WDHD1: variants seen among roughly 807,000 people sequenced by gnomAD.
The protein encoded by WDHD1 is WD repeat and HMG-box DNA-binding protein 1.
Under a neutral mutation model 135.4 loss-of-function variants are expected in WDHD1, and 111 were observed. That is an observed-to-expected ratio of 0.82 (90% CI 0.70 to 0.96). The LOEUF is 0.96. WDHD1 is among the 40% of genes least tolerant of loss of function. The probability of loss-of-function intolerance (pLI) is 0.00; values close to 1 mark genes in which losing one functional copy is unlikely to be tolerated. For synonymous variants in WDHD1, 434 were observed against 439.0 expected, an observed-to-expected ratio of 0.99 and a Z score of 0.14; for missense variants, 1,351 against 1,336.3, an observed-to-expected ratio of 1.01 and a Z score of -0.17.
intron 2 of WDHD1, among the ~76,000 whole-genome samples, chr14:55,018,966 T>G (rs766341694): frequency 6.6e-6 from 1 of 152,146 alleles, no homozygotes; most frequent in East Asian, 1.9e-4. Context: ...GAGGTTACAG[T>G]GGGCCGAGAT....
intron 11 of WDHD1, among the ~76,000 whole-genome samples, chr14:54,993,628 T>C (rs908287392): frequency 1.3e-5 from 2 of 152,218 alleles, no homozygotes; most frequent in Non-Finnish European, 2.9e-5. Context: ...CAAATTTTCT[T>C]TATACACTTC....
chr14:55,004,921 G>T lies in WDHD1; in HGVS notation c.600+2359C>A, dbSNP rs558748071. 9.3e-4 allele frequency: 490 copies of T among 529,032 alleles called. 3 individuals are homozygous for T. The highest frequency in any genetic ancestry group is 7.6e-3 in the Middle Eastern group (12 of 1,580). 32.8% of individuals were successfully genotyped at this position (529,032 alleles called of 1,614,324 possible). ...GCACTCCAGTTTTCAGGAGGGAACT[G>T]CTAAATAGGCACAGAGGGCACCTGC... is the stretch of plus-strand genomic sequence containing the variant. On this transcript the variant is annotated intron_variant, in intron 7 of 25. Coordinates refer to ENST00000360586, the MANE Select transcript of WDHD1 (RefSeq NM_007086.4).
At chr14:54,990,336 G>A (rs979394657) in intron 12 of WDHD1, among the ~76,000 whole-genome samples, 2 of 152,062 alleles carry the variant, frequency 1.3e-5, no homozygotes, top group African/African-American at 4.8e-5. Context: ...GGTGGCTCAC[G>A]CCTGTAATCC....
intron 15 of WDHD1, among the ~76,000 whole-genome samples, chr14:54,983,080 C>T (rs1192553825): frequency 6.6e-6 from 1 of 152,150 alleles, no homozygotes; most frequent in African/African-American, 2.4e-5. Context: ...ACGAGAATCA[C>T]TTGAACCCAG....
At chr14:54,955,138 G>A (rs1446932245) in intron 24 of WDHD1, among the ~76,000 whole-genome samples, 1 of 152,148 alleles carries the variant, frequency 6.6e-6, no homozygotes, top group Non-Finnish European at 1.5e-5. Context: ...AGACAAATAT[G>A]TATTTGCACA....
At position 54,967,538 on chromosome 14, in the gene WDHD1, TA is replaced by T. The variant is rs1252897137; in HGVS notation, c.2064-145del. 4 of 535,654 alleles carry T rather than the reference TA, an allele frequency of 7.5e-6. No homozygotes were observed. The Admixed American group carries it at 1.0e-4, about 14-fold the overall frequency. The allele number at this position is 535,654 out of a possible 1,614,324, so 33.2% of individuals were successfully genotyped here. A position where few individuals can be genotyped will look rare whatever the true frequency, so the allele number is the denominator to read the frequency against. ...ATCATATATAACAAATATCTCTTTTTAAAAAAGTGTTTTAGGCTTGACTAGG... is the reference window on the plus strand; with the variant it reads ...ATCATATATAACAAATATCTCTTTTTAAAAAGTGTTTTAGGCTTGACTAGG... On this transcript the variant is annotated intron_variant, in intron 16 of 25. Coordinates refer to ENST00000360586, the MANE Select transcript of WDHD1 (RefSeq NM_007086.4).
At chr14:55,024,728 A>C (rs1035895827) in intron 2 of WDHD1, among the ~76,000 whole-genome samples, 1 of 146,814 alleles carries the variant, frequency 6.8e-6, no homozygotes, top group Middle Eastern at 3.4e-3. Flanking sequence ...ACTCAGAGTT[A>C]AATGGATTAA....
chr14:54,957,217 C>T lies in WDHD1; in HGVS notation c.2746-13G>A. The T allele has an allele frequency of 1.2e-6, 2 of 1,611,684 alleles. No homozygotes were observed. Among genetic ancestry groups the T allele is most frequent in the Non-Finnish European group, 1.7e-6 (2 of 1,178,738 alleles). On this transcript the variant is annotated splice_polypyrimidine_tract_variant and intron_variant, in intron 22 of 25. Coordinates refer to ENST00000360586, the MANE Select transcript of WDHD1 (RefSeq NM_007086.4). ...AACTGGCTGATACCTAAAGAGCAAA[C>T]TAGTGTTAGCACTGTATGTTTAAAG...
chr14:54,943,668 G>C (rs1214115957), intron 25 of WDHD1, among the ~76,000 whole-genome samples: 1 of 152,118 alleles, frequency 6.6e-6, no homozygotes, highest in Non-Finnish European at 1.5e-5. Context: ...AAAGTGCTAG[G>C]ATTACAGGCT....
intron 18 of WDHD1, 111 bp downstream of exon 18, chr14:54,966,364 A>AAC: frequency 2.3e-6 from 3 of 1,324,532 alleles, no homozygotes; most frequent in African/African-American, 1.5e-5. Flanking sequence ...ACAAAAAAAA[A>AAC]CTTAAGAATC....
At chr14:54,987,879 G>C (rs1007942134) in intron 13 of WDHD1, among the ~76,000 whole-genome samples, 1 of 152,120 alleles carries the variant, frequency 6.6e-6, no homozygotes, top group Non-Finnish European at 1.5e-5. Context: ...TGTCCGCCTT[G>C]GCCTCCCAAA....
chr14:54,975,180 G>A (rs554443818), intron 16 of WDHD1, among the ~76,000 whole-genome samples: 1 of 152,078 alleles, frequency 6.6e-6, no homozygotes, highest in African/African-American at 2.4e-5. Context: ...GGTCTCTGTT[G>A]GTAGAGAGCA....
intron 13 of WDHD1, among the ~76,000 whole-genome samples, chr14:54,988,424 G>A (rs987635401): frequency 1.3e-5 from 2 of 152,132 alleles, no homozygotes; most frequent in Admixed American, 6.5e-5. Context: ...TAACTGCAAA[G>A]GGATATAAGA....
intron 11 of WDHD1, among the ~76,000 whole-genome samples, chr14:54,994,995 T>C (rs1446278166): frequency 1.3e-5 from 2 of 152,232 alleles, no homozygotes; most frequent in African/African-American, 2.4e-5. Flanking sequence ...TTTTCTTTTC[T>C]TTGGAGATGG....
chr14:54,994,147 T>C (rs560678490), intron 11 of WDHD1, among the ~76,000 whole-genome samples: 278 of 152,348 alleles, frequency 1.8e-3, no homozygotes, highest in Non-Finnish European at 3.0e-3. Context: ...TATTGTAGCA[T>C]GTAAGTTGTT....
rs1269682288 is a variant in WDHD1 at position 54,995,759 on chromosome 14, T to C, written c.997A>G (p.Ser333Gly). Residue 333 changes from serine to glycine, a missense_variant, in exon 11 of 26, where the codon AGT (serine) becomes GGT (glycine). Around this residue, in one of 2 missense-constraint regions of WDHD1, gnomAD observed 1,330 missense variants for 1,296.1 expected, o/e 1.03. Coordinates refer to ENST00000360586, the MANE Select transcript of WDHD1 (RefSeq NM_007086.4). Reference sequence around the variant, plus strand: ...TCATTTAGAAAATCACCAGCATTACTCATATCATCTCCATCAAAAAGATCA... The same window carrying C: ...TCATTTAGAAAATCACCAGCATTACCCATATCATCTCCATCAAAAAGATCA... ...YNDLFDGDDM[S>G]NAGDFLNDNA... The C allele has an allele frequency of 6.2e-7, 1 of 1,612,842 alleles. No homozygotes were observed. Among genetic ancestry groups the C allele is most frequent in the Non-Finnish European group, 8.5e-7 (1 of 1,179,476 alleles).
intron 1 of WDHD1, 72 bp from the exon 2 acceptor site, chr14:55,026,875 G>T (rs891984948): frequency 1.6e-5 from 23 of 1,467,198 alleles, no homozygotes; most frequent in Non-Finnish European, 1.8e-5. Context: ...GATAGGAAGA[G>T]AGCTTAGTCT....
At chr14:54,983,937 T>C (rs1768789271) in intron 15 of WDHD1, among the ~76,000 whole-genome samples, 1 of 152,152 alleles carries the variant, frequency 6.6e-6, no homozygotes, top group African/African-American at 2.4e-5. Context: ...AAAAAATTGA[T>C]TTTTATATCT....
intron 6 of WDHD1, among the ~76,000 whole-genome samples, 181 bp from the exon 7 acceptor site, chr14:55,007,556 G>A (rs1410734459): frequency 2.0e-5 from 3 of 152,146 alleles, no homozygotes; most frequent in Non-Finnish European, 2.9e-5. Flanking sequence ...TCAAAGGTAT[G>A]ATGAGTACAA....
Sources: gnomAD v4.1 joint callset for allele counts (sites outside exome capture counted in the v4.1 genomes callset) on GRCh38, gnomAD v4.1.1 for gene constraint, gnomAD v4.1.1 regional missense constraint, MANE v1.5 for transcripts, NCBI Gene and HGNC (gene_info 2026-07-23, HGNC 2026-07-21) for gene names.